Variants in MARCHF1 observed in about 807,000 individuals in gnomAD.
The protein encoded by MARCHF1 is membrane associated ring-CH-type finger 1.
Under a neutral mutation model 54.2 loss-of-function variants are expected in MARCHF1, and 40 were observed. That is an observed-to-expected ratio of 0.74 (90% CI 0.57 to 0.96). MARCHF1 has a LOEUF of 0.96. Among genes scored for constraint, MARCHF1 ranks in the 40% least tolerant of loss-of-function variants. The pLI, the probability that MARCHF1 is intolerant of heterozygous loss-of-function variation, is 0.00. For synonymous variants in MARCHF1, 236 were observed against 236.3 expected, an observed-to-expected ratio of 1.00 and a Z score of 0.01; for missense variants, 586 against 656.5, an observed-to-expected ratio of 0.89 and a Z score of 1.17.
At chr4:163,614,544 C>T (rs1355066935) in intron 5 of MARCHF1, among the ~76,000 whole-genome samples, 6 of 151,940 alleles carry the variant, frequency 3.9e-5, no homozygotes, top group Non-Finnish European at 5.9e-5. Context: ...ATTTCGAAGT[C>T]ATTCTAAAAA....
intron 3 of MARCHF1, among the ~76,000 whole-genome samples, chr4:163,899,229 C>T (rs1162329380): frequency 6.6e-6 from 1 of 152,084 alleles, no homozygotes; most frequent in African/African-American, 2.4e-5. Flanking sequence ...TAAATTTGTT[C>T]CCCCTCCTCA....
At chr4:164,253,659 T>A (rs1461260118) in intron 1 of MARCHF1, among the ~76,000 whole-genome samples, 1 of 152,154 alleles carries the variant, frequency 6.6e-6, no homozygotes, top group Non-Finnish European at 1.5e-5. Context: ...TGTTAAAATG[T>A]TAAGCATATA....
intron 1 of MARCHF1, among the ~76,000 whole-genome samples, chr4:164,306,383 C>T (rs2111409608): frequency 6.6e-6 from 1 of 152,234 alleles, no homozygotes; most frequent in Non-Finnish European, 1.5e-5. Context: ...CTATCAAGGT[C>T]ACACTCCAAG....
At chr4:164,083,102 A>C (rs1755131859) in intron 2 of MARCHF1, among the ~76,000 whole-genome samples, 1 of 152,110 alleles carries the variant, frequency 6.6e-6, no homozygotes, top group Non-Finnish European at 1.5e-5. Flanking sequence ...CCTTTCTTAG[A>C]GCACATGGCA....
chr4:163,628,769 G>A (rs941102789), intron 5 of MARCHF1, among the ~76,000 whole-genome samples: 1 of 152,098 alleles, frequency 6.6e-6, no homozygotes, highest in Non-Finnish European at 1.5e-5. Flanking sequence ...CAAACAGAGA[G>A]AGCCAAATCA....
intron 3 of MARCHF1, among the ~76,000 whole-genome samples, chr4:163,869,616 G>A (rs1408474556): frequency 6.6e-6 from 1 of 152,000 alleles, no homozygotes; most frequent in Non-Finnish European, 1.5e-5. Flanking sequence ...AATGGAAATA[G>A]AAAAATGCTG....
intron 3 of MARCHF1, among the ~76,000 whole-genome samples, chr4:163,857,571 C>T (rs777899126): frequency 1.1e-4 from 17 of 152,016 alleles, no homozygotes; most frequent in Non-Finnish European, 1.5e-4. Context: ...CAGCAATGAG[C>T]AACTTATATA....
intron 3 of MARCHF1, among the ~76,000 whole-genome samples, chr4:163,905,176 T>TG (rs1751037695): frequency 6.6e-6 from 1 of 152,010 alleles, no homozygotes; most frequent in Admixed American, 6.6e-5. Flanking sequence ...ATGAAGAAAT[T>TG]GGGGCATAAT....
At chr4:164,232,750 C>T (rs565356025) in intron 1 of MARCHF1, among the ~76,000 whole-genome samples, 1 of 152,032 alleles carries the variant, frequency 6.6e-6, no homozygotes, top group Non-Finnish European at 1.5e-5. Context: ...TTATTCTTTG[C>T]TTGGCTGGTT....
chr4:163,853,209 A>G (rs905476203), intron 4 of MARCHF1, among the ~76,000 whole-genome samples: 1 of 152,224 alleles, frequency 6.6e-6, no homozygotes, highest in Non-Finnish European at 1.5e-5. Context: ...AAAATACCCT[A>G]AATGATTCTT....
rs535106133 is a variant in MARCHF1 at position 163,549,022 on chromosome 4, C to T, written c.1192-3279G>A. The stretch of plus-strand genomic sequence containing the variant: ...ACCAAATAACGTGTGACTTATGGCC[C>T]TGTTACCAGGAGTATATTGTTACCA... On this transcript the variant is annotated intron_variant, in intron 8 of 9. Transcript: ENST00000514618. 2.0e-5 allele frequency among the ~76,000 whole-genome samples: 3 copies of T among 152,322 alleles called. No homozygotes were observed. The South Asian group carries it at 6.2e-4, about 32-fold the overall frequency.
intron 1 of MARCHF1, among the ~76,000 whole-genome samples, chr4:164,273,010 T>A (rs1269852893): frequency 6.6e-6 from 1 of 152,038 alleles, no homozygotes; most frequent in Non-Finnish European, 1.5e-5. Context: ...TATAAAATAC[T>A]AAGCAAAGTA....
At chr4:164,209,971 T>C (rs1354986434) in intron 1 of MARCHF1, among the ~76,000 whole-genome samples, 1 of 152,204 alleles carries the variant, frequency 6.6e-6, no homozygotes, top group African/African-American at 2.4e-5. Context: ...TAATGAGTTA[T>C]TTGAATAAAC....
At chr4:164,274,235 T>C (rs1039342106) in intron 1 of MARCHF1, among the ~76,000 whole-genome samples, 9 of 152,190 alleles carry the variant, frequency 5.9e-5, no homozygotes, top group Non-Finnish European at 1.0e-4. Flanking sequence ...GGATAGAAAA[T>C]CGTATTTTAT....
intron 1 of MARCHF1, among the ~76,000 whole-genome samples, chr4:164,184,312 A>G (rs1730909637): frequency 6.6e-6 from 1 of 152,204 alleles, no homozygotes; most frequent in South Asian, 2.1e-4. Flanking sequence ...ATAAACTGAG[A>G]AAACAGTATC....
chr4:164,259,031 A>G (rs1004411355), intron 1 of MARCHF1, among the ~76,000 whole-genome samples: 1 of 152,186 alleles, frequency 6.6e-6, no homozygotes. Flanking sequence ...CTGAGAATCT[A>G]TTTTATTATA....
At chr4:164,033,729 T>C (rs1753931680) in intron 2 of MARCHF1, among the ~76,000 whole-genome samples, 2 of 152,082 alleles carry the variant, frequency 1.3e-5, no homozygotes, top group African/African-American at 2.4e-5. Flanking sequence ...TTAGATACCA[T>C]CTCATGCCAG....
At chr4:164,096,964 G>A (rs1056836610) in intron 2 of MARCHF1, among the ~76,000 whole-genome samples, 10 of 151,984 alleles carry the variant, frequency 6.6e-5, no homozygotes, top group African/African-American at 9.7e-5. Context: ...AAAACCCCGG[G>A]GAGTCTACTA....
chr4:163,737,802 C>T lies in MARCHF1; in HGVS notation c.112-36939G>A, dbSNP rs1410557317. Among the ~76,000 whole-genome samples, 3 of 118,712 alleles carry T rather than the reference C, an allele frequency of 2.5e-5. 1 individual carries two copies. Among genetic ancestry groups the T allele is most frequent in the Non-Finnish European group, 6.2e-5 (3 of 48,370 alleles). The allele number at this position is 118,712 out of a possible 152,430, so 77.9% of individuals were successfully genotyped here. A position where few individuals can be genotyped will look rare whatever the true frequency, so the allele number is the denominator to read the frequency against. On this transcript the variant is annotated intron_variant, in intron 4 of 9. Coordinates refer to ENST00000514618, the MANE Select transcript of MARCHF1 (RefSeq NM_001394959.1). ...GTGGAGAAATAGGAACACTTTTACA[C>T]TGTTGGTGGGACTGTAAACTAGTTC...
Sources: allele counts gnomAD v4.1 joint callset (sites outside exome capture counted in the v4.1 genomes callset), GRCh38; gene constraint gnomAD v4.1.1; transcripts MANE v1.5; gene names NCBI Gene and HGNC (gene_info 2026-07-23, HGNC 2026-07-21).